The following PCDH15 variants were observed in gnomAD, a reference collection of about 807,000 sequenced individuals.
PCDH15 encodes protocadherin related 15.
In PCDH15, 129 loss-of-function variants were observed where a neutral mutation model predicts 178.5. The observed-to-expected ratio is 0.72, with a 90% CI of 0.63 to 0.84. The LOEUF (loss-of-function observed/expected upper bound fraction) is 0.84. Among genes scored for constraint, PCDH15 ranks in the 40% least tolerant of loss-of-function variants. The pLI, the probability that PCDH15 is intolerant of heterozygous loss-of-function variation, is 0.00. For synonymous variants in PCDH15, 800 were observed against 732.0 expected, an observed-to-expected ratio of 1.09 and a Z score of -1.50; for missense variants, 2,230 against 2,099.9, an observed-to-expected ratio of 1.06 and a Z score of -1.21.
At chr10:54,640,852 C>T (rs563160220) in intron 2 of PCDH15, among the ~76,000 whole-genome samples, 1 of 152,198 alleles carries the variant, frequency 6.6e-6, no homozygotes, top group African/African-American at 2.4e-5. Context: ...GCCTGTAACC[C>T]CAGCACTTTG....
At chr10:54,114,299 A>G (rs2095076444) in intron 15 of PCDH15, among the ~76,000 whole-genome samples, 1 of 152,194 alleles carries the variant, frequency 6.6e-6, no homozygotes, top group Admixed American at 6.5e-5. Flanking sequence ...AGAGTTAGTA[A>G]AAAACAAGAT....
intron 1 of PCDH15, among the ~76,000 whole-genome samples, chr10:54,697,104 T>C (rs2095239639): frequency 6.6e-6 from 1 of 152,116 alleles, no homozygotes; most frequent in Non-Finnish European, 1.5e-5. Flanking sequence ...ATTATTGTTA[T>C]TATGTCTTTG....
At chr10:55,195,222 C>G (rs1451926598) in intron 1 of PCDH15, among the ~76,000 whole-genome samples, 1 of 151,732 alleles carries the variant, frequency 6.6e-6, no homozygotes, top group Middle Eastern at 3.2e-3. Context: ...CGGGATTTCA[C>G]CATATTGGTC....
intron 3 of PCDH15, among the ~76,000 whole-genome samples, chr10:54,851,523 C>T (rs991436848): frequency 6.6e-6 from 1 of 151,926 alleles, no homozygotes; most frequent in Non-Finnish European, 1.5e-5. Context: ...TAACACAAGC[C>T]CTTATGGTAT....
At chr10:55,355,867 C>A (rs1050573052) in intron 2 of PCDH15, among the ~76,000 whole-genome samples, 1 of 151,902 alleles carries the variant, frequency 6.6e-6, no homozygotes, top group Admixed American at 6.6e-5. Context: ...AAAAATAAAA[C>A]TTTCCATGTG....
At chr10:54,519,028 C>G (rs1438299925) in intron 3 of PCDH15, among the ~76,000 whole-genome samples, 1 of 152,196 alleles carries the variant, frequency 6.6e-6, no homozygotes, top group South Asian at 2.1e-4. Flanking sequence ...ATGCTAAAAA[C>G]TCTCAATAAA....
At chr10:53,856,083 T>C (rs2133021438) in intron 28 of PCDH15, among the ~76,000 whole-genome samples, 1 of 151,232 alleles carries the variant, frequency 6.6e-6, no homozygotes, top group South Asian at 2.1e-4. Flanking sequence ...CTATGAGGAC[T>C]CAAATGCATA....
rs1292176272 is a variant in PCDH15 at position 53,840,375 on chromosome 10, C to G, written c.3928G>C (p.Val1310Leu). 1.9e-6 allele frequency: 3 copies of G among 1,614,126 alleles called. No individual in the cohort carries two copies. Among genetic ancestry groups the G allele is most frequent in the Non-Finnish European group, 1.7e-6 (2 of 1,180,014 alleles). ...TTGGTTTGGGGGTCAATTGCATAGA[C>G]AGTCAAGTCACATTTGGTGTAATCT... is the stretch of plus-strand genomic sequence containing the variant. The part of the protein sequence containing the change: ...LEDYTKCDLT[V>L]YAIDPQTNRA... The change falls in exon 29 of 38, where the codon GTC becomes CTC. Residue 1310 changes from valine (V) to leucine (L), a missense_variant. Transcript: ENST00000644397.
At chr10:53,949,224 T>C (rs1428918649) in intron 23 of PCDH15, among the ~76,000 whole-genome samples, 3 of 152,222 alleles carry the variant, frequency 2.0e-5, no homozygotes, top group African/African-American at 7.2e-5. Flanking sequence ...TTGTCAATAG[T>C]TAAATGGGCG....
intron 18 of PCDH15, among the ~76,000 whole-genome samples, chr10:54,041,783 T>A (rs1218371513): frequency 6.6e-6 from 1 of 152,122 alleles, no homozygotes; most frequent in Admixed American, 6.6e-5. Context: ...TCCAGAACTC[T>A]TAAACTTTAG....
chr10:55,240,454 T>C (rs1312551047), intron 1 of PCDH15, among the ~76,000 whole-genome samples: 2 of 152,198 alleles, frequency 1.3e-5, no homozygotes, highest in African/African-American at 4.8e-5. Flanking sequence ...CTGCTGTTAT[T>C]ATTTTCAGAA....
At chr10:55,240,097 C>A (rs1480277953) in intron 1 of PCDH15, among the ~76,000 whole-genome samples, 1 of 152,020 alleles carries the variant, frequency 6.6e-6, no homozygotes, top group East Asian at 1.9e-4. Context: ...AATTAGTATA[C>A]CCACTGTGAA....
chr10:54,742,551 A>T (rs928564648), intron 1 of PCDH15, among the ~76,000 whole-genome samples: 4 of 151,996 alleles, frequency 2.6e-5, no homozygotes, highest in African/African-American at 9.7e-5. Flanking sequence ...TGATGTAGAG[A>T]AAGGTCCTAG....
chr10:54,598,458 T>C (rs972296200), intron 2 of PCDH15, among the ~76,000 whole-genome samples: 1 of 152,088 alleles, frequency 6.6e-6, no homozygotes, highest in Non-Finnish European at 1.5e-5. Context: ...AAATTAGGTA[T>C]TGAAGGAATA....
intron 21 of PCDH15, among the ~76,000 whole-genome samples, chr10:53,982,990 A>T (rs2134647730): frequency 6.6e-6 from 1 of 152,168 alleles, no homozygotes; most frequent in East Asian, 1.9e-4. Flanking sequence ...TATAGCAATC[A>T]CATTGTAGCA....
intron 2 of PCDH15, among the ~76,000 whole-genome samples, chr10:55,551,025 G>T (rs944845641): frequency 6.6e-6 from 1 of 151,906 alleles, no homozygotes; most frequent in Non-Finnish European, 1.5e-5. Flanking sequence ...AAAAATCCTG[G>T]CACAAATCTT....
chr10:54,953,173 G>A (rs1838391319), intron 2 of PCDH15, among the ~76,000 whole-genome samples: 1 of 151,248 alleles, frequency 6.6e-6, no homozygotes, highest in African/African-American at 2.4e-5. Flanking sequence ...TGTTTTTTAA[G>A]TTGAAGAATT....
rs926522019 is a variant in PCDH15 at position 55,575,423 on chromosome 10, A to G, written c.-156+52202T>C. Among the ~76,000 whole-genome samples, 5 of 152,154 alleles carry G rather than the reference A, an allele frequency of 3.3e-5. No individual in the cohort carries two copies. In the East Asian group the frequency reaches 7.7e-4, roughly 23 times the overall value. Reference sequence around the variant, plus strand: ...AAAGTGTATGTTTTTTCAAAAGTCTATTTTCCAATGTTTGAGGTGGGGACA... The same window carrying G: ...AAAGTGTATGTTTTTTCAAAAGTCTGTTTTCCAATGTTTGAGGTGGGGACA... On this transcript the variant is annotated intron_variant, in intron 2 of 5. Coordinates refer to the PCDH15 transcript ENST00000613346.
intron 1 of PCDH15, among the ~76,000 whole-genome samples, chr10:55,235,205 A>G (rs1171725664): frequency 1.3e-5 from 2 of 152,126 alleles, no homozygotes; most frequent in Non-Finnish European, 2.9e-5. Flanking sequence ...TACATGGGTA[A>G]GTCAAACGAG....
Sources: gnomAD v4.1 joint callset for allele counts (sites outside exome capture counted in the v4.1 genomes callset) on GRCh38, gnomAD v4.1.1 for gene constraint, MANE v1.5 for transcripts, NCBI Gene and HGNC (gene_info 2026-07-23, HGNC 2026-07-21) for gene names.